RABEP1: variants seen among roughly 807,000 people sequenced by gnomAD.
RABEP1 encodes rab GTPase-binding effector protein 1.
In RABEP1, 51 loss-of-function variants were observed where a neutral mutation model predicts 123.4. That is an observed-to-expected ratio of 0.41 (90% CI 0.33 to 0.52). RABEP1 has a LOEUF of 0.52. RABEP1 is among the 20% of genes least tolerant of loss of function. The pLI is 0.16. For synonymous variants in RABEP1, 347 were observed against 355.2 expected (o/e 0.98, Z 0.26); for missense variants, 888 against 996.3 (o/e 0.89, Z 1.46).
chr17:5,376,018 G>A (rs1190294014), intron 13 of RABEP1, among the ~76,000 whole-genome samples: 1 of 152,088 alleles, frequency 6.6e-6, no homozygotes, highest in East Asian at 1.9e-4. Context: ...GACTACAGGT[G>A]TGTGCCACCA....
chr17:5,338,059 C>A lies in RABEP1; in HGVS notation c.569C>A (p.Pro190Gln). The part of the protein sequence containing the change: ...DAEKLRSVVM[P>Q]MEKEIAALKD... ...GAGAAACTTCGGTCCGTTGTGATGC[C>A]AATGGAAAAGGAAATTGCAGCTTTG... The change falls in exon 5 of 18, where the codon CCA (proline) becomes CAA (glutamine). Residue 190 changes from proline to glutamine, a missense_variant. Pro to Gln is a moderately conservative substitution (Grantham distance 76). Coordinates refer to ENST00000537505, the MANE Select transcript of RABEP1 (RefSeq NM_004703.6). 6.2e-7 allele frequency: 1 copy of A among 1,613,410 alleles called. No homozygotes were observed. Among genetic ancestry groups the A allele is most frequent in the Non-Finnish European group, 8.5e-7 (1 of 1,179,590 alleles).
At chr17:5,373,933 T>G (rs776936958) in intron 13 of RABEP1, among the ~76,000 whole-genome samples, 2 of 152,178 alleles carry the variant, frequency 1.3e-5, no homozygotes, top group Non-Finnish European at 2.9e-5. Flanking sequence ...ATGTTATTTT[T>G]GTCGGCCCAG....
At chr17:5,349,025 C>G (rs1470771706) in intron 6 of RABEP1, among the ~76,000 whole-genome samples, 1 of 152,094 alleles carries the variant, frequency 6.6e-6, no homozygotes, top group Non-Finnish European at 1.5e-5. Flanking sequence ...AATCCTGTAC[C>G]CATTTACTGT....
rs1911687842 is a variant in RABEP1, at chr17:5,383,626, C to T, written c.*403C>T. The T allele has an allele frequency of 7.7e-6, 2 of 259,084 alleles. No homozygotes were observed. The highest frequency in any genetic ancestry group is 1.5e-5 in the Non-Finnish European group (2 of 133,316). The allele number at this position is 259,084 out of a possible 1,614,324, so 16.0% of individuals were successfully genotyped here. Reference sequence around the variant, plus strand: ...AGAGAGAATTTGCTTTATCTGTTGTCTAGAGCTCATCAGTAACAGTATTCA... The same window carrying T: ...AGAGAGAATTTGCTTTATCTGTTGTTTAGAGCTCATCAGTAACAGTATTCA... On this transcript the variant is annotated 3_prime_UTR_variant, in exon 18 of 18. Coordinates refer to ENST00000537505, the MANE Select transcript of RABEP1 (RefSeq NM_004703.6).
At chr17:5,290,393 G>T (rs1300441406) in intron 1 of RABEP1, among the ~76,000 whole-genome samples, 1 of 151,966 alleles carries the variant, frequency 6.6e-6, no homozygotes, top group Non-Finnish European at 1.5e-5. Flanking sequence ...CGTCCTCCTT[G>T]ATTATTCTTA....
At chr17:5,320,693 TAA>T (rs2075347032) in intron 2 of RABEP1, among the ~76,000 whole-genome samples, 1 of 152,210 alleles carries the variant, frequency 6.6e-6, no homozygotes, top group South Asian at 2.1e-4. Flanking sequence ...TTTTTTAAGA[TAA>T]GTTGTCTTTA....
chr17:5,338,556 G>A (rs1240487462), intron 5 of RABEP1, among the ~76,000 whole-genome samples: 1 of 152,080 alleles, frequency 6.6e-6, no homozygotes, highest in East Asian at 1.9e-4. Flanking sequence ...CAACAGGAGC[G>A]AAATTCTGTC....
chr17:5,318,585 T>G (rs1250420388), intron 2 of RABEP1, among the ~76,000 whole-genome samples: 1 of 152,208 alleles, frequency 6.6e-6, no homozygotes, highest in Non-Finnish European at 1.5e-5. Context: ...CAGTTGTGTT[T>G]ACTGGTGAGT....
At chr17:5,364,630 G>A (rs1056897925) in intron 10 of RABEP1, among the ~76,000 whole-genome samples, 1 of 151,656 alleles carries the variant, frequency 6.6e-6, no homozygotes, top group Non-Finnish European at 1.5e-5. Context: ...TACTCGGGAG[G>A]CTGAGGCAGG....
intron 13 of RABEP1, among the ~76,000 whole-genome samples, chr17:5,373,780 C>T (rs1056890346): frequency 1.2e-4 from 18 of 151,574 alleles, no homozygotes; most frequent in East Asian, 1.9e-4. Flanking sequence ...CCTTATTCCC[C>T]CTCCTCCCCT....
chr17:5,283,286 A>G (rs2074946515), intron 1 of RABEP1, among the ~76,000 whole-genome samples: 1 of 152,138 alleles, frequency 6.6e-6, no homozygotes, highest in Admixed American at 6.6e-5. Flanking sequence ...CACTACTTGA[A>G]GATATTTGCT....
chr17:5,379,926 C>T (rs550860431), intron 15 of RABEP1, among the ~76,000 whole-genome samples: 7 of 152,154 alleles, frequency 4.6e-5, no homozygotes, highest in South Asian at 2.1e-4. Context: ...GTAGGCCAGC[C>T]GAACATGCCA....
At chr17:5,339,473 C>T (rs1354957525) in intron 5 of RABEP1, among the ~76,000 whole-genome samples, 2 of 152,146 alleles carry the variant, frequency 1.3e-5, no homozygotes, top group Non-Finnish European at 2.9e-5. Flanking sequence ...CATGCCACTG[C>T]ACTCCAGTCT....
Position 5,361,187 on chromosome 17 carries a change from A to G in RABEP1, c.1096-21A>G, listed in dbSNP as rs201463132. The G allele has an allele frequency of 1.3e-4, 207 of 1,590,650 alleles. No homozygotes were observed. The African/African-American group carries it at 2.7e-3, about 21-fold the overall frequency. ...ACGCAGAGAATTGTCTAACTTGGCC[A>G]TATGTATTTTCACATTTCAGGAGCA... On this transcript the variant is annotated intron_variant, in intron 8 of 17. Transcript: ENST00000537505.
chr17:5,360,229 A>G (rs887675272), intron 8 of RABEP1, among the ~76,000 whole-genome samples: 4 of 152,358 alleles, frequency 2.6e-5, no homozygotes, highest in African/African-American at 2.4e-5. Context: ...TTCGCATAGT[A>G]TACAACATTG....
At position 5,386,328 on chromosome 17, in the gene RABEP1, T is replaced by C. The variant is rs1911973824; in HGVS notation, c.*3105T>C. 7.7e-7 allele frequency: 1 copy of C among 1,296,388 alleles called. No individual in the cohort carries two copies. The highest frequency in any genetic ancestry group is 1.5e-5 in the African/African-American group (1 of 67,382). 80.3% of individuals were successfully genotyped at this position (1,296,388 alleles called of 1,614,324 possible). A position where few individuals can be genotyped will look rare whatever the true frequency, so the allele number is the denominator to read the frequency against. On this transcript the variant is annotated 3_prime_UTR_variant, in exon 18 of 18. Coordinates refer to ENST00000537505, the MANE Select transcript of RABEP1 (RefSeq NM_004703.6). ...TATAATAAACCATTTATATGGATTC[T>C]TAAGAATTTAAACTGGTAATGTTGA...
intron 2 of RABEP1, among the ~76,000 whole-genome samples, chr17:5,318,740 A>T (rs2075322549): frequency 6.6e-6 from 1 of 152,182 alleles, no homozygotes; most frequent in Admixed American, 6.6e-5. Context: ...TAATCTCAAA[A>T]CCATACAAAG....
At chr17:5,351,143 C>T (rs923438932) in intron 7 of RABEP1, among the ~76,000 whole-genome samples, 1 of 151,262 alleles carries the variant, frequency 6.6e-6, no homozygotes, top group Non-Finnish European at 1.5e-5. Flanking sequence ...GATTGGACAC[C>T]TGCTCTAAGA....
intron 3 of RABEP1, among the ~76,000 whole-genome samples, chr17:5,334,208 C>T (rs1567529161): frequency 2.0e-5 from 3 of 151,206 alleles, no homozygotes; most frequent in East Asian, 3.9e-4. Context: ...ATAATCTTTT[C>T]TTTTTTTTCC....
Sources: allele counts gnomAD v4.1 joint callset (sites outside exome capture counted in the v4.1 genomes callset), GRCh38; gene constraint gnomAD v4.1.1; transcripts MANE v1.5; gene names NCBI Gene and HGNC (gene_info 2026-07-23, HGNC 2026-07-21).